RYR3: variants seen among roughly 807,000 people sequenced by gnomAD.
The protein encoded by RYR3 is brain ryanodine receptor-calcium release channel.
RYR3 carries 207 observed loss-of-function variants against 584.3 expected under a neutral mutation model. The observed-to-expected ratio is 0.35, with a 90% CI of 0.32 to 0.40. The LOEUF is 0.40. RYR3 is among the 10% of genes least tolerant of loss of function. The pLI is 1.00. For synonymous variants in RYR3, 2,416 were observed against 2,248.5 expected, an observed-to-expected ratio of 1.07 and a Z score of -2.11; for missense variants, 5,616 against 6,089.2, an observed-to-expected ratio of 0.92 and a Z score of 2.59.
intron 86 of RYR3, 37 bp from the exon 87 acceptor site, chr15:33,834,931 A>C (rs1312401725): frequency 2.6e-6 from 4 of 1,555,274 alleles, no homozygotes; most frequent in Admixed American, 1.7e-5. Flanking sequence ...GCAACTTGTG[A>C]TGTTTAAGTG....
chr15:33,560,471 T>C (rs1255777403), intron 10 of RYR3, among the ~76,000 whole-genome samples: 3 of 151,154 alleles, frequency 2.0e-5, no homozygotes, highest in Non-Finnish European at 1.5e-5. Flanking sequence ...TGCAAAGCCA[T>C]GTTTAAATAA....
rs774521512 is a variant in RYR3, at chr15:33,842,005, A to G, written c.13179A>G (p.Lys4393=). ...AAGCTTTCACAGCCAATTTCTTTAA[A>G]GGGCTGGAAATCTATCAGACCAAGT... ...KPEAFTANFF[K]GLEIYQTKLL... Residue 4393 remains lysine, a synonymous_variant, in exon 91 of 104, where the codon AAA becomes AAG. Coordinates refer to ENST00000634891, the MANE Select transcript of RYR3 (RefSeq NM_001036.6). 74 of 1,602,880 alleles carry G rather than the reference A, an allele frequency of 4.6e-5. 1 individual carries two copies. In the South Asian group the frequency reaches 8.2e-4, roughly 18 times the overall value.
intron 87 of RYR3, 108 bp downstream of exon 87, chr15:33,835,180 G>C (rs971845329): frequency 2.2e-5 from 18 of 836,140 alleles, no homozygotes. Context: ...GGCTGGACAA[G>C]CCATGCATAT....
intron 51 of RYR3, among the ~76,000 whole-genome samples, chr15:33,741,007 A>C (rs1455565885): frequency 6.6e-6 from 1 of 152,228 alleles, no homozygotes; most frequent in Non-Finnish European, 1.5e-5. Flanking sequence ...TCTGCCTATA[A>C]AAAGGGAACA....
chr15:33,633,195 A>G (rs547808231), intron 24 of RYR3, 87 bp downstream of exon 24: 1 of 1,422,900 alleles, frequency 7.0e-7, no homozygotes, highest in Non-Finnish European at 9.6e-7. Context: ...GTTAGATCAG[A>G]AGGAAGAGTT....
chr15:33,808,813 T>A (rs959556757), intron 70 of RYR3, among the ~76,000 whole-genome samples: 1 of 152,148 alleles, frequency 6.6e-6, no homozygotes, highest in Non-Finnish European at 1.5e-5. Context: ...TTAGCCCCAT[T>A]TCTTTCCCTC....
intron 2 of RYR3, among the ~76,000 whole-genome samples, chr15:33,495,026 G>A (rs2051294339): frequency 1.3e-5 from 2 of 152,080 alleles, no homozygotes; most frequent in African/African-American, 2.4e-5. Flanking sequence ...AAGCTTATAT[G>A]GTGAGTCAGT....
rs568210622 is a variant in RYR3 at position 33,458,881 on chromosome 15, A to G, written c.52-14538A>G. Among the ~76,000 whole-genome samples the G allele has an allele frequency of 2.0e-5, 3 of 152,348 alleles. No homozygotes were observed. In the East Asian group the frequency reaches 5.8e-4, roughly 29 times the overall value. On this transcript the variant is annotated intron_variant, in intron 1 of 103. Coordinates refer to ENST00000634891, the MANE Select transcript of RYR3 (RefSeq NM_001036.6). ...CCTTTGGATTCTTGATTGAAAGGAA[A>G]TGAAGACCCAATACCTGATCTTTCC... is the stretch of plus-strand genomic sequence containing the variant.
At chr15:33,821,197 T>C (rs2077085274) in intron 78 of RYR3, 73 bp from the exon 79 acceptor site, 1 of 1,211,202 alleles carries the variant, frequency 8.3e-7, no homozygotes, top group African/African-American at 1.5e-5. Context: ...AAATTCTCTC[T>C]CACCTCACTA....
At chr15:33,656,649 G>A (rs772487097) in intron 32 of RYR3, among the ~76,000 whole-genome samples, 31 of 152,160 alleles carry the variant, frequency 2.0e-4, no homozygotes, top group Middle Eastern at 3.2e-3. Flanking sequence ...AGGCTCTAAG[G>A]TGAATCCACT....
intron 3 of RYR3, among the ~76,000 whole-genome samples, chr15:33,507,566 C>T (rs2052587420): frequency 6.6e-6 from 1 of 152,204 alleles, no homozygotes; most frequent in African/African-American, 2.4e-5. Flanking sequence ...AGTATTTTCA[C>T]ATTTTCAATT....
At chr15:33,420,072 A>G (rs1413965147) in intron 1 of RYR3, among the ~76,000 whole-genome samples, 5 of 152,214 alleles carry the variant, frequency 3.3e-5, no homozygotes, top group Admixed American at 3.3e-4. Flanking sequence ...AAGAGAACAG[A>G]GATGCAACCT....
intron 1 of RYR3, among the ~76,000 whole-genome samples, chr15:33,420,822 C>G (rs1410080412): frequency 6.6e-6 from 1 of 152,136 alleles, no homozygotes; most frequent in Non-Finnish European, 1.5e-5. Context: ...CAAAAATAAT[C>G]TAGATCAGAA....
chr15:33,825,303 A>G (rs1040856305), intron 81 of RYR3, among the ~76,000 whole-genome samples: 3 of 152,186 alleles, frequency 2.0e-5, no homozygotes, highest in Non-Finnish European at 4.4e-5. Context: ...CCTTCACATC[A>G]AAGTGAAGAC....
rs553506890 is a variant in RYR3, at chr15:33,633,123, G to T, written c.3027+15G>T. 6.2e-7 allele frequency: 1 copy of T among 1,610,210 alleles called. No homozygotes were observed. The highest frequency in any genetic ancestry group is 8.5e-7 in the Non-Finnish European group (1 of 1,177,442). On this transcript the variant is annotated intron_variant, in intron 24 of 103. Coordinates refer to ENST00000634891, the MANE Select transcript of RYR3 (RefSeq NM_001036.6). ...GCATCCAACAGGTAAGAAATTCTGG[G>T]TCAGGCATGCTGGAAAACTTAGAAG...
In RYR3 at chr15:33,859,726, T is replaced by C; in HGVS notation, c.14294T>C (p.Ile4765Thr). The C allele has an allele frequency of 6.2e-7, 1 of 1,607,440 alleles. No homozygotes were observed. The highest frequency in any genetic ancestry group is 8.5e-7 in the Non-Finnish European group (1 of 1,176,290). Residue 4765 changes from isoleucine (I) to threonine (T), a missense_variant, in exon 100 of 104, where the codon ATT becomes ACT. Transcript: ENST00000634891. The stretch of plus-strand genomic sequence containing the variant: ...GTCATTGTCATCTTGCTGGCCATCA[T>C]TCAAGGTATGATTGCCAATTGTGTT... ...FFVIVILLAIIQGLIIDAFGE... is the reference protein window; with the variant it reads ...FFVIVILLAITQGLIIDAFGE...
At chr15:33,704,029 G>C (rs1427201299) in intron 42 of RYR3, among the ~76,000 whole-genome samples, 1 of 152,124 alleles carries the variant, frequency 6.6e-6, no homozygotes, top group Non-Finnish European at 1.5e-5. Flanking sequence ...CAGCACTTCA[G>C]GAGGCCGAGG....
chr15:33,768,818 C>T (rs1300645939), intron 61 of RYR3, 111 bp downstream of exon 61: 4 of 1,029,194 alleles, frequency 3.9e-6, no homozygotes, highest in Non-Finnish European at 6.1e-6. Flanking sequence ...ACTAAGGTGT[C>T]ACCTAAATTT....
chr15:33,701,173 A>C, intron 42 of RYR3, 93 bp downstream of exon 42: 1 of 744,016 alleles, frequency 1.3e-6, no homozygotes, highest in Admixed American at 2.3e-5. Flanking sequence ...AGTCTCTGTC[A>C]CTGTATCGTC....
Sources: allele counts gnomAD v4.1 joint callset (sites outside exome capture counted in the v4.1 genomes callset), GRCh38; gene constraint gnomAD v4.1.1; transcripts MANE v1.5; gene names NCBI Gene and HGNC (gene_info 2026-07-23, HGNC 2026-07-21).